MVB12B: variants seen among roughly 807,000 people sequenced by gnomAD.
The protein encoded by MVB12B is ESCRT-I complex subunit MVB12B.
Under a neutral mutation model 41.6 loss-of-function variants are expected in MVB12B, and 16 were observed. That is an observed-to-expected ratio of 0.38 (90% CI 0.26 to 0.58). The LOEUF (loss-of-function observed/expected upper bound fraction) is 0.58, where lower values mean the gene tolerates loss of function less well. Among genes scored for constraint, MVB12B ranks in the 20% least tolerant of loss-of-function variants. MVB12B has a pLI of 0.62. For synonymous variants in MVB12B, 133 were observed against 139.7 expected (o/e 0.95, Z 0.34); for missense variants, 274 against 380.2 (o/e 0.72, Z 2.32).
chr9:126,483,962 T>A lies in MVB12B; in HGVS notation c.814-11T>A, dbSNP rs753438946. 2.5e-6 allele frequency: 4 copies of A among 1,613,984 alleles called. No individual in the cohort carries two copies. Among genetic ancestry groups the A allele is most frequent in the Non-Finnish European group, 3.4e-6 (4 of 1,179,930 alleles). ...AGCTATTTAAAAGGGCAACTTCATC[T>A]GTGTTTTCAGATGCAGCCCTTTGAT... is the stretch of plus-strand genomic sequence containing the variant. On this transcript the variant is annotated splice_polypyrimidine_tract_variant and intron_variant, in intron 8 of 9. Coordinates refer to ENST00000361171, the MANE Select transcript of MVB12B (RefSeq NM_033446.3).
intron 9 of MVB12B, among the ~76,000 whole-genome samples, chr9:126,490,588 G>A (rs1420792268): frequency 6.6e-6 from 1 of 152,194 alleles, no homozygotes; most frequent in Non-Finnish European, 1.5e-5. Flanking sequence ...CGCACTCCTG[G>A]CGGAGCAACA....
At position 126,340,487 on chromosome 9, in the gene MVB12B, C is replaced by A. The variant is rs943191047; in HGVS notation, c.82-21C>A. The A allele has an allele frequency of 6.2e-7, 1 of 1,611,624 alleles. No homozygotes were observed. Among genetic ancestry groups the A allele is most frequent in the African/African-American group, 1.3e-5 (1 of 74,728 alleles). On this transcript the variant is annotated intron_variant, in intron 1 of 9. Coordinates refer to ENST00000361171, the MANE Select transcript of MVB12B (RefSeq NM_033446.3). The surrounding 1 kb of genome is among the most constrained non-coding windows in gnomAD (Gnocchi z 4.0). The stretch of plus-strand genomic sequence containing the variant: ...ATGCTATGTTTGAATTTTGTGTTTT[C>A]TTTTTCCTTTGCTGAACCAGGACCA...
intron 6 of MVB12B, among the ~76,000 whole-genome samples, chr9:126,405,294 C>G (rs938837987): frequency 2.6e-5 from 4 of 151,658 alleles, no homozygotes; most frequent in South Asian, 2.1e-4. Flanking sequence ...GGAAATTATT[C>G]CCTTCTGAGT....
chr9:126,454,147 A>G (rs75621709), intron 7 of MVB12B, among the ~76,000 whole-genome samples: 20,773 of 152,244 alleles, frequency 0.14, 1,867 homozygotes, highest in East Asian at 0.44. Context: ...TTTATTTTCA[A>G]ACTTCAAAGA....
chr9:126,382,408 C>T (rs745965885), intron 3 of MVB12B, among the ~76,000 whole-genome samples: 37 of 152,198 alleles, frequency 2.4e-4, no homozygotes, highest in Non-Finnish European at 4.7e-4. Flanking sequence ...GCAATATATG[C>T]TCCTTGTGAA....
chr9:126,388,665 C>T (rs1830865611), intron 4 of MVB12B, among the ~76,000 whole-genome samples: 1 of 152,276 alleles, frequency 6.6e-6, no homozygotes, highest in Middle Eastern at 3.4e-3. Context: ...CCTTAGATTC[C>T]AATTCCTCCA....
At chr9:126,398,093 C>T (rs911674756) in intron 6 of MVB12B, among the ~76,000 whole-genome samples, 5 of 152,036 alleles carry the variant, frequency 3.3e-5, no homozygotes, top group African/African-American at 9.7e-5. Flanking sequence ...CCTTTGCTCC[C>T]GGTGCTCCCT....
chr9:126,434,091 G>A lies in MVB12B; in HGVS notation c.757+12143G>A, dbSNP rs540605758. 2.0e-4 allele frequency among the ~76,000 whole-genome samples: 30 copies of A among 152,270 alleles called. 2 individuals carry two copies. In the East Asian group the frequency reaches 5.8e-3, roughly 29 times the overall value. Reference sequence around the variant, plus strand: ...CTGACATTAGGACAAAAGAAATTCCGATCTTTTTTAGAACAACGAAGCCAC... The same window carrying A: ...CTGACATTAGGACAAAAGAAATTCCAATCTTTTTTAGAACAACGAAGCCAC... On this transcript the variant is annotated intron_variant, in intron 7 of 9. Coordinates refer to ENST00000361171, the MANE Select transcript of MVB12B (RefSeq NM_033446.3).
chr9:126,383,871 C>T (rs775164912), intron 3 of MVB12B, among the ~76,000 whole-genome samples: 1 of 151,662 alleles, frequency 6.6e-6, no homozygotes, highest in Non-Finnish European at 1.5e-5. Flanking sequence ...TTTTTAATGG[C>T]CACACCACTG....
At position 126,503,167 on chromosome 9, in the gene MVB12B, G is replaced by A. The variant is rs768963559; in HGVS notation, c.874-10G>A. 3.4e-5 allele frequency: 53 copies of A among 1,549,544 alleles called. No homozygotes were observed. The Middle Eastern group carries it at 1.8e-3, about 53-fold the overall frequency. On this transcript the variant is annotated splice_polypyrimidine_tract_variant and intron_variant, in intron 9 of 9. Transcript: ENST00000361171. ...TGACTGTGTCTCTCTGTCCCCACCC[G>A]CCCCTGCAGTACGAGTACAGCTTCC... is the stretch of plus-strand genomic sequence containing the variant.
At chr9:126,474,170 C>T (rs576725229) in intron 7 of MVB12B, among the ~76,000 whole-genome samples, 2 of 152,252 alleles carry the variant, frequency 1.3e-5, no homozygotes, top group South Asian at 2.1e-4. Context: ...AGGGGCAGGT[C>T]AGGGGTGAAA....
In MVB12B at chr9:126,484,047, A is replaced by AG. The variant is rs1833583822; in HGVS notation, c.873+19dup. The AG allele has an allele frequency of 6.2e-7, 1 of 1,613,322 alleles. No homozygotes were observed. Among genetic ancestry groups the AG allele is most frequent in the Non-Finnish European group, 8.5e-7 (1 of 1,179,474 alleles). ...TCGAAAAAGAGGTAAGCAAGCCATC[A>AG]GGGGAGGGGAGGGCAGGCCTGGGCC... On this transcript the variant is annotated intron_variant, in intron 9 of 9. Coordinates refer to ENST00000361171, the MANE Select transcript of MVB12B (RefSeq NM_033446.3).
chr9:126,424,436 C>A (rs557834799), intron 7 of MVB12B, among the ~76,000 whole-genome samples: 1 of 152,134 alleles, frequency 6.6e-6, no homozygotes, highest in Non-Finnish European at 1.5e-5. Flanking sequence ...CGAAGGGAAT[C>A]ATTTAGCCTC....
Position 126,468,271 on chromosome 9 carries a change from G to A in MVB12B, c.758-13098G>A, listed in dbSNP as rs1833238423. ...CTCACCCTCACATCCCCGCCCGCCA[G>A]GCCTCATTTCTGGATCTCCACCCGG... is the stretch of plus-strand genomic sequence containing the variant. On this transcript the variant is annotated intron_variant, in intron 7 of 9. Transcript: ENST00000361171. This position sits in a 1 kb window ranked among gnomAD's most constrained non-coding sequence, Gnocchi z 4.3. 6.6e-6 allele frequency among the ~76,000 whole-genome samples: 1 copy of A among 151,958 alleles called. No individual in the cohort carries two copies. The highest frequency in any genetic ancestry group is 2.4e-5 in the African/African-American group (1 of 41,376).
In MVB12B at chr9:126,463,102, T is replaced by C. The variant is rs547979880; in HGVS notation, c.758-18267T>C. ...GTCCTGCGGGCTGGTCCATTGGAGC[T>C]GAGTCCTGGGCCAGTGGGTGTGGTG... On this transcript the variant is annotated intron_variant, in intron 7 of 9. Transcript: ENST00000361171. Among the ~76,000 whole-genome samples the C allele has an allele frequency of 2.7e-4, 41 of 152,332 alleles. No homozygotes were observed. The South Asian group carries it at 8.5e-3, about 32-fold the overall frequency.
Position 126,503,241 on chromosome 9 carries a change from G to C in MVB12B, c.938G>C (p.Cys313Ser). ...AGGCTCCCGCCCAGCCCCACCAGGT[G>C]TCAGCAGATCCCGCAGTCCTGAGGA... ...AARLPPSPTRCQQIPQS is the reference protein window; with the variant it reads ...AARLPPSPTRSQQIPQS The change falls in exon 10 of 10, where the codon TGT (cysteine) becomes TCT (serine). Residue 313 changes from cysteine (C) to serine (S), a missense_variant. Coordinates refer to ENST00000361171, the MANE Select transcript of MVB12B (RefSeq NM_033446.3). 1 of 1,550,432 alleles carries C rather than the reference G, an allele frequency of 6.4e-7. No individual in the cohort carries two copies.
chr9:126,415,880 GCCT>G (rs1831805670), intron 6 of MVB12B, among the ~76,000 whole-genome samples: 2 of 152,148 alleles, frequency 1.3e-5, no homozygotes, highest in South Asian at 4.1e-4. Context: ...GTGGCGGGGT[GCCT>G]CCTCAGAAGG....
chr9:126,370,597 G>T (rs561474886), intron 2 of MVB12B, among the ~76,000 whole-genome samples: 9 of 152,040 alleles, frequency 5.9e-5, no homozygotes, highest in Non-Finnish European at 1.0e-4. Flanking sequence ...GGCCAGGCTG[G>T]TCTTGAACTC....
chr9:126,390,732 G>A (rs1040362694), intron 4 of MVB12B, among the ~76,000 whole-genome samples: 1 of 152,174 alleles, frequency 6.6e-6, no homozygotes, highest in Non-Finnish European at 1.5e-5. Context: ...AGGCCAAGGA[G>A]GGTGGATCAC....
Sources: gnomAD v4.1 joint callset for allele counts (sites outside exome capture counted in the v4.1 genomes callset) on GRCh38, gnomAD v4.1.1 for gene constraint, Gnocchi (gnomAD v3.1) non-coding constraint, MANE v1.5 for transcripts, NCBI Gene and HGNC (gene_info 2026-07-23, HGNC 2026-07-21) for gene names.